Variants in RPLP0 observed in about 807,000 individuals in gnomAD.
RPLP0 encodes large ribosomal subunit protein uL10.
For missense variants in RPLP0, 276 were observed against 402.9 expected, an observed-to-expected ratio of 0.69 and a Z score of 2.70; for synonymous variants, 137 against 153.4, an observed-to-expected ratio of 0.89 and a Z score of 0.79.
Position 120,199,195 on chromosome 12 carries a change from G to A in RPLP0, c.241C>T (p.His81Tyr), listed in dbSNP as rs11548385. ...ACAAAGCCCACATTCCCCCGGATAT[G>A]AGGCAGCAGTCTGCAAAGAGAAGTT... is the stretch of plus-strand genomic sequence containing the variant. ...NNPALEKLLPHIRGNVGFVFT... is the reference protein window; with the variant it reads ...NNPALEKLLPYIRGNVGFVFT... The change falls in exon 4 of 8, where the codon CAT becomes TAT. Residue 81 changes from histidine to tyrosine, a missense_variant. By Grantham distance (83) the His-to-Tyr change is moderately conservative. Transcript: ENST00000392514. 3.1e-6 allele frequency: 5 copies of A among 1,613,960 alleles called. No homozygotes were observed. The East Asian group carries it at 8.9e-5, about 29-fold the overall frequency.
intron 6 of RPLP0, among the ~76,000 whole-genome samples, chr12:120,198,000 C>T (rs1232464570): frequency 5.3e-5 from 8 of 152,034 alleles, no homozygotes; most frequent in Non-Finnish European, 8.8e-5. Context: ...ACCATGTCAG[C>T]TCACCGCAAC....
Position 120,199,363 on chromosome 12 carries a change from G to A in RPLP0, c.177C>T (p.Thr59=). Residue 59 remains threonine, a synonymous_variant, in exon 3 of 8, where the codon ACC becomes ACT. Coordinates refer to ENST00000392514, the MANE Select transcript of RPLP0 (RefSeq NM_001002.4). ...GCCCTCGGATGGCCTTGCGCATCATGGTGTTCTTGCCCATCAGCACCACAG... is the reference window on the plus strand; with the variant it reads ...GCCCTCGGATGGCCTTGCGCATCATAGTGTTCTTGCCCATCAGCACCACAG... ...GKAVVLMGKN[T]MMRKAIRGHL... is the part of the protein sequence containing the mutation. 1 of 1,614,152 alleles carries A rather than the reference G, an allele frequency of 6.2e-7. No homozygotes were observed. Among genetic ancestry groups the A allele is most frequent in the Non-Finnish European group, 8.5e-7 (1 of 1,180,022 alleles).
At position 120,197,566 on chromosome 12, in the gene RPLP0, G is replaced by A. The variant is rs559344926; in HGVS notation, c.652-104C>T. 2.9e-5 allele frequency: 40 copies of A among 1,376,616 alleles called. No individual in the cohort carries two copies. In the African/African-American group the frequency reaches 5.2e-4, roughly 18 times the overall value. 85.3% of individuals were successfully genotyped at this position (1,376,616 alleles called of 1,614,324 possible). A position where few individuals can be genotyped will look rare whatever the true frequency, so the allele number is the denominator to read the frequency against. On this transcript the variant is annotated intron_variant, in intron 6 of 7. Coordinates refer to ENST00000392514, the MANE Select transcript of RPLP0 (RefSeq NM_001002.4). ...CTTAGCAGACAATAATTGCCAGGTT[G>A]GCAGCTCAGTCTCAAGAGAGGCCAT...
intron 7 of RPLP0, 73 bp downstream of exon 7, chr12:120,197,249 A>C (rs1879216118): frequency 1.5e-6 from 2 of 1,347,720 alleles, no homozygotes; most frequent in Non-Finnish European, 2.1e-6. Flanking sequence ...TAAAAGCAGT[A>C]AGGTAGAAGG....
chr12:120,199,844 G>A, intron 2 of RPLP0: 1 of 364,654 alleles, frequency 2.7e-6, no homozygotes, highest in East Asian at 7.3e-5. Flanking sequence ...AGCATTAAAA[G>A]CACCACGTTA....
rs141589496 is a variant in RPLP0, at chr12:120,201,074, C to A, written c.-49+9G>T. On this transcript the variant is annotated intron_variant, in intron 1 of 7. Transcript: ENST00000392514. ...CGACCCCTGGCGCCCATCTAACTAG[C>A]ACACGAACCTTCCACGAGGACGCCT... is the stretch of plus-strand genomic sequence containing the variant. The A allele has an allele frequency of 2.2e-3, 883 of 396,482 alleles. 5 individuals are homozygous for A. Among genetic ancestry groups the A allele is most frequent in the African/African-American group, 0.017 (806 of 48,428 alleles). 24.6% of individuals were successfully genotyped at this position (396,482 alleles called of 1,614,324 possible). A position where few individuals can be genotyped will look rare whatever the true frequency, so the allele number is the denominator to read the frequency against.
At position 120,198,680 on chromosome 12, in the gene RPLP0, C is replaced by T. The variant is rs765041066; in HGVS notation, c.525G>A (p.Leu175=). ...DKVGASEATL[L]NMLNISPFSF... The stretch of plus-strand genomic sequence containing the variant: ...AGAAGGGGGAGATGTTGAGCATGTT[C>T]AGCAGCGTGGCTTCGCTGGCTCCCA... The change falls in exon 6 of 8, where the codon CTG becomes CTA. Residue 175 remains leucine (L), a synonymous_variant. Transcript: ENST00000392514. The surrounding 1 kb of genome is among the most constrained non-coding windows in gnomAD (Gnocchi z 4.1). 3.1e-6 allele frequency: 5 copies of T among 1,613,998 alleles called. No individual in the cohort carries two copies. In the East Asian group the frequency reaches 8.9e-5, roughly 29 times the overall value.
chr12:120,200,114 C>A, intron 2 of RPLP0: 1 of 456,046 alleles, frequency 2.2e-6, no homozygotes, highest in Admixed American at 2.3e-5. Context: ...TATGCAACAG[C>A]TTGCTTCCTT....
At chr12:120,197,521 A>G in intron 6 of RPLP0, 59 bp from the exon 7 acceptor site, 1 of 1,553,832 alleles carries the variant, frequency 6.4e-7, no homozygotes, top group Non-Finnish European at 8.8e-7. Flanking sequence ...AAGTCCAAGT[A>G]AGGGTGAATA....
rs560884233 is a variant in RPLP0 at position 120,201,087 on chromosome 12, C to T, written c.-53G>A. On this transcript the variant is annotated 5_prime_UTR_variant, in exon 1 of 8. Coordinates refer to ENST00000392514, the MANE Select transcript of RPLP0 (RefSeq NM_001002.4). ...CCATCTAACTAGCACACGAACCTTC[C>T]ACGAGGACGCCTGGCGAGAGAAGGG... is the stretch of plus-strand genomic sequence containing the variant. 2.7e-6 allele frequency: 1 copy of T among 368,190 alleles called. No homozygotes were observed. Among genetic ancestry groups the T allele is most frequent in the Non-Finnish European group, 4.9e-6 (1 of 204,092 alleles). The allele number at this position is 368,190 out of a possible 1,614,324, so 22.8% of individuals were successfully genotyped here.
intron 1 of RPLP0, 31 bp downstream of exon 1, chr12:120,201,052 C>T (rs1361103422): frequency 2.2e-6 from 1 of 447,200 alleles, no homozygotes; most frequent in Non-Finnish European, 3.9e-6. Context: ...CCGCCGGCGA[C>T]CCCTGGCGCC....
rs369813826 is a variant in RPLP0, at chr12:120,198,007, C to T, written c.652-545G>A. Among the ~76,000 whole-genome samples the T allele has an allele frequency of 2.6e-5, 4 of 152,096 alleles. No individual in the cohort carries two copies. The South Asian group carries it at 6.2e-4, about 24-fold the overall frequency. ...GCAGTGGCACCATGTCAGCTCACCG[C>T]AACCTCCACCTCTTAAAAGGCTTTT... On this transcript the variant is annotated intron_variant, in intron 6 of 7. Transcript: ENST00000392514. This position sits in a 1 kb window ranked among gnomAD's most constrained non-coding sequence, Gnocchi z 4.1.
intron 2 of RPLP0, chr12:120,200,197 G>A: frequency 2.3e-6 from 1 of 438,978 alleles, no homozygotes; most frequent in South Asian, 1.6e-5. Flanking sequence ...GGGCGCGGTG[G>A]CTCACACCTG....
intron 2 of RPLP0, chr12:120,200,107 G>C (rs1247725397): frequency 6.6e-6 from 3 of 456,052 alleles, no homozygotes; most frequent in South Asian, 4.6e-5. Context: ...TCCTAAATAT[G>C]CAACAGCTTG....
In RPLP0 at chr12:120,200,741, G is replaced by A; in HGVS notation, c.43C>T (p.Leu15Phe). ...DRATWKSNYF[L>F]KIIQLLDDYP... is the part of the protein sequence containing the mutation. ...CACCCTGCACTTACGATGATCTTAAGGAAGTAGTTGGACTTCCAGGTCGCC... is the reference window on the plus strand; with the variant it reads ...CACCCTGCACTTACGATGATCTTAAAGAAGTAGTTGGACTTCCAGGTCGCC... Residue 15 changes from leucine to phenylalanine, a missense_variant, in exon 2 of 8, where the codon CTT (leucine) becomes TTT (phenylalanine). By Grantham distance (22) the Leu-to-Phe change is conservative. Coordinates refer to ENST00000392514, the MANE Select transcript of RPLP0 (RefSeq NM_001002.4). 2 of 1,611,486 alleles carry A rather than the reference G, an allele frequency of 1.2e-6. No homozygotes were observed. Among genetic ancestry groups the A allele is most frequent in the South Asian group, 1.1e-5 (1 of 90,540 alleles).
chr12:120,198,478 G>A lies in RPLP0; in HGVS notation c.651+76C>T, dbSNP rs1157423766. On this transcript the variant is annotated intron_variant, in intron 6 of 7. Transcript: ENST00000392514. This position sits in a 1 kb window ranked among gnomAD's most constrained non-coding sequence, Gnocchi z 4.1. ...TAGACAGATGAAAACACAGTCCTTGGTTACAGGGACTCAGTCTGAACCTTG... is the reference window on the plus strand; with the variant it reads ...TAGACAGATGAAAACACAGTCCTTGATTACAGGGACTCAGTCTGAACCTTG... 2 of 1,493,202 alleles carry A rather than the reference G, an allele frequency of 1.3e-6. No homozygotes were observed. The highest frequency in any genetic ancestry group is 2.3e-5 in the South Asian group (2 of 87,634). The allele number at this position is 1,493,202 out of a possible 1,614,324, so 92.5% of individuals were successfully genotyped here.
chr12:120,198,154 GGAGGCC>G lies in RPLP0; in HGVS notation c.651+394_651+399del, dbSNP rs1375137676. Among the ~76,000 whole-genome samples, 1 of 152,146 alleles carries G rather than the reference GGAGGCC, an allele frequency of 6.6e-6. No homozygotes were observed. Among genetic ancestry groups the G allele is most frequent in the Non-Finnish European group, 1.5e-5 (1 of 68,030 alleles). The stretch of plus-strand genomic sequence containing the variant: ...TCATGCCTGTAATCCCAGCACTTTG[GGAGGCC>G]GAGTTGGGCGGATCACGAGGTCAGG... On this transcript the variant is annotated intron_variant, in intron 6 of 7. Coordinates refer to ENST00000392514, the MANE Select transcript of RPLP0 (RefSeq NM_001002.4). This position sits in a 1 kb window ranked among gnomAD's most constrained non-coding sequence, Gnocchi z 4.1.
chr12:120,196,855 G>C lies in RPLP0; in HGVS notation c.872C>G (p.Ala291Gly), dbSNP rs778536848. The C allele has an allele frequency of 1.6e-5, 25 of 1,611,458 alleles. No homozygotes were observed. The Admixed American group carries it at 4.2e-4, about 27-fold the overall frequency. The change falls in exon 8 of 8, where the codon GCT (alanine) becomes GGT (glycine). Residue 291 changes from alanine to glycine, a missense_variant. By Grantham distance (60) the Ala-to-Gly change is moderately conservative. Coordinates refer to ENST00000392514, the MANE Select transcript of RPLP0 (RefSeq NM_001002.4). ...TTCAACCTTAGCTGGGGCTGCAGCA[G>C]CAGCAGGAGCAGCTGTGGTGGCAGC... ...VAAATTAAPA[A>G]AAAPAKVEAK...
rs60656828 is a variant in RPLP0 at position 120,196,809 on chromosome 12, C to G, written c.918G>C (p.Glu306Asp). Residue 306 changes from glutamate (E) to aspartate (D), a missense_variant, in exon 8 of 8, where the codon GAG (glutamate) becomes GAC (aspartate). Glu to Asp is a conservative substitution (Grantham distance 45). Coordinates refer to ENST00000392514, the MANE Select transcript of RPLP0 (RefSeq NM_001002.4). ...GACCAAATCCCATATCCTCGTCCGA[C>G]TCCTCCGACTCTTCCTTGGCTTCAA... is the stretch of plus-strand genomic sequence containing the variant. ...AKVEAKEESE[E>D]SDEDMGFGLF... 2.5e-4 allele frequency: 406 copies of G among 1,594,080 alleles called. No individual in the cohort carries two copies. In the African/African-American group the frequency reaches 4.8e-3, roughly 19 times the overall value.
Sources: gnomAD v4.1 joint callset for allele counts (sites outside exome capture counted in the v4.1 genomes callset) on GRCh38, gnomAD v4.1.1 for gene constraint, Gnocchi (gnomAD v3.1) non-coding constraint, MANE v1.5 for transcripts, NCBI Gene and HGNC (gene_info 2026-07-23, HGNC 2026-07-21) for gene names.